The following TBC1D31 variants were observed in gnomAD, a reference collection of about 807,000 sequenced individuals.
The protein encoded by TBC1D31 is TBC1 domain family member 31.
Under a neutral mutation model 132.9 loss-of-function variants are expected in TBC1D31, and 99 were observed. That is an observed-to-expected ratio of 0.74 (90% CI 0.63 to 0.88). The LOEUF (loss-of-function observed/expected upper bound fraction) is 0.88. Ranked by LOEUF, TBC1D31 falls within the 40% of genes least tolerant of loss-of-function variation. The pLI is 0.00. For synonymous variants in TBC1D31, 385 were observed against 419.4 expected (o/e 0.92, Z 1.00); for missense variants, 1,134 against 1,256.6 (o/e 0.90, Z 1.48).
At chr8:123,149,104 T>C (rs1363538173) in intron 20 of TBC1D31, among the ~76,000 whole-genome samples, 1 of 152,140 alleles carries the variant, frequency 6.6e-6, no homozygotes, top group Non-Finnish European at 1.5e-5. Context: ...TTCTTTTCTG[T>C]TTTTCTTTTT....
At chr8:123,147,212 C>A (rs1234511230) in intron 20 of TBC1D31, among the ~76,000 whole-genome samples, 1 of 150,208 alleles carries the variant, frequency 6.7e-6, no homozygotes, top group South Asian at 2.1e-4. Context: ...CTCGCTTTGT[C>A]GCCAGGCTGG....
At chr8:123,154,658 A>C (rs1460377307), downstream of TBC1D31, among the ~76,000 whole-genome samples, 2 of 152,232 alleles carry the variant, frequency 1.3e-5, no homozygotes, top group Middle Eastern at 3.2e-3. Context: ...GCAGGTGCTC[A>C]GAGTGCATCA....
chr8:123,099,071 G>T (rs1029970652), intron 6 of TBC1D31, among the ~76,000 whole-genome samples: 5 of 152,304 alleles, frequency 3.3e-5, no homozygotes, highest in African/African-American at 1.2e-4. Flanking sequence ...CAGCATGGGG[G>T]TTTATTTGCT....
At chr8:123,108,474 C>CT (rs1297751412) in intron 8 of TBC1D31, among the ~76,000 whole-genome samples, 1 of 152,112 alleles carries the variant, frequency 6.6e-6, no homozygotes, top group East Asian at 1.9e-4. Flanking sequence ...TGCTTTAATG[C>CT]TAGGAATTGC....
At chr8:123,073,282 C>G (rs1814101911) in intron 1 of TBC1D31, 1 of 460,614 alleles carries the variant, frequency 2.2e-6, no homozygotes, top group Non-Finnish European at 4.3e-6. Flanking sequence ...TGCAGTTTAT[C>G]CATCCTTAAA....
intron 5 of TBC1D31, among the ~76,000 whole-genome samples, chr8:123,094,480 T>C (rs1816657221): frequency 6.6e-6 from 1 of 152,190 alleles, no homozygotes; most frequent in African/African-American, 2.4e-5. Context: ...AGGGCGCTTT[T>C]GGAAATATAA....
At chr8:123,144,924 TGA>T in intron 20 of TBC1D31, 69 bp downstream of exon 20, 1 of 1,439,728 alleles carries the variant, frequency 6.9e-7, no homozygotes, top group South Asian at 1.4e-5. Context: ...TCTATTATTA[TGA>T]TTTTTTTTTT....
chr8:123,121,267 AT>A (rs1322024195), intron 11 of TBC1D31, among the ~76,000 whole-genome samples: 1 of 152,148 alleles, frequency 6.6e-6, no homozygotes, highest in Non-Finnish European at 1.5e-5. Flanking sequence ...CATTTTATCT[AT>A]TAAAAGTAAC....
At chr8:123,106,935 A>G (rs1455883971) in intron 8 of TBC1D31, among the ~76,000 whole-genome samples, 2 of 152,212 alleles carry the variant, frequency 1.3e-5, no homozygotes, top group African/African-American at 4.8e-5. Flanking sequence ...CTGGAGTCAC[A>G]GGACATCCTT....
chr8:123,098,875 A>G (rs980096952), intron 6 of TBC1D31, among the ~76,000 whole-genome samples: 19 of 152,176 alleles, frequency 1.2e-4, no homozygotes, highest in African/African-American at 4.3e-4. Flanking sequence ...GAGGAGTTGC[A>G]TCAACTGCAG....
intron 2 of TBC1D31, among the ~76,000 whole-genome samples, chr8:123,077,568 G>C (rs1380064598): frequency 7.6e-6 from 1 of 130,800 alleles, no homozygotes; most frequent in African/African-American, 2.9e-5. Context: ...GCCTTGTTCT[G>C]TCGCCCAGGC....
chr8:123,117,625 C>T (rs7016704), intron 10 of TBC1D31, among the ~76,000 whole-genome samples: 1,782 of 151,396 alleles, frequency 0.012, 38 homozygotes, highest in African/African-American at 0.041. Flanking sequence ...TGGTGGCGCG[C>T]GCCTGTAGTC....
In TBC1D31 at chr8:123,140,794, G is replaced by A; in HGVS notation, c.2533G>A (p.Glu845Lys). ...LTENQEALAK[E>K]MRADADAYRR... ...TGAAAATCAAGAAGCTCTTGCAAAAGAAATGCGAGCAGATGCAGATGCCTA... is the reference window on the plus strand; with the variant it reads ...TGAAAATCAAGAAGCTCTTGCAAAAAAAATGCGAGCAGATGCAGATGCCTA... Residue 845 changes from glutamate to lysine, a missense_variant, in exon 18 of 22, where the codon GAA (glutamate) becomes AAA (lysine). Transcript: ENST00000287380. 6.2e-7 allele frequency: 1 copy of A among 1,607,980 alleles called. No individual in the cohort carries two copies.
At chr8:123,149,592 C>G (rs1822577418) in intron 20 of TBC1D31, among the ~76,000 whole-genome samples, 1 of 152,224 alleles carries the variant, frequency 6.6e-6, no homozygotes, top group African/African-American at 2.4e-5. Context: ...GGAGGCACCA[C>G]TAGTTGCTAG....
chr8:123,132,552 T>G (rs187163198), intron 16 of TBC1D31, among the ~76,000 whole-genome samples: 6 of 151,746 alleles, frequency 4.0e-5, no homozygotes, highest in African/African-American at 1.4e-4. Flanking sequence ...CAGATGGGAT[T>G]ACAGGTGCCT....
chr8:123,072,893 C>T, intron 1 of TBC1D31, 47 bp downstream of exon 1: 1 of 1,527,224 alleles, frequency 6.5e-7, no homozygotes, highest in African/African-American at 1.4e-5. Flanking sequence ...GGATGGAGAC[C>T]GGCGAGGAGG....
At chr8:123,096,372 A>G (rs537162372) in intron 5 of TBC1D31, among the ~76,000 whole-genome samples, 1 of 152,206 alleles carries the variant, frequency 6.6e-6, no homozygotes, top group Admixed American at 6.5e-5. Flanking sequence ...TTCCTTATAT[A>G]CTAACCTTAT....
intron 17 of TBC1D31, 31 bp downstream of exon 17, chr8:123,134,237 A>T (rs751917238): frequency 6.3e-7 from 1 of 1,598,602 alleles, no homozygotes; most frequent in Non-Finnish European, 8.6e-7. Flanking sequence ...ACATAAGAAA[A>T]GCAGGTTTTG....
chr8:123,145,871 C>CT (rs57816964), intron 20 of TBC1D31, among the ~76,000 whole-genome samples: 27,743 of 133,412 alleles, frequency 0.21, 3,123 homozygotes, highest in African/African-American at 0.27. Context: ...TTCTCTTTTT[C>CT]TTTTTTTTTT....
Sources: allele counts gnomAD v4.1 joint callset (sites outside exome capture counted in the v4.1 genomes callset), GRCh38; gene constraint gnomAD v4.1.1; transcripts MANE v1.5; gene names NCBI Gene and HGNC (gene_info 2026-07-23, HGNC 2026-07-21).